Variants in BAZ2B observed in about 807,000 individuals in gnomAD.
BAZ2B encodes bromodomain adjacent to zinc finger domain 2B.
In BAZ2B, 91 loss-of-function variants were observed where a neutral mutation model predicts 246.0. The ratio of observed to expected loss-of-function variants is 0.37; its 90% CI spans 0.31 to 0.44. The LOEUF is 0.44. Among genes scored for constraint, BAZ2B ranks in the 20% least tolerant of loss-of-function variants. The probability of loss-of-function intolerance (pLI) is 1.00; values close to 1 mark genes in which losing one functional copy is unlikely to be tolerated. For missense variants in BAZ2B, 2,332 were observed against 2,533.7 expected (o/e 0.92, Z 1.71); for synonymous variants, 855 against 860.0 (o/e 0.99, Z 0.10).
the BAZ2B span, among the ~76,000 whole-genome samples, chr2:159,674,031 A>AT: frequency 6.6e-6 from 1 of 151,344 alleles, no homozygotes; most frequent in African/African-American, 2.4e-5. Flanking sequence ...GACATAATTA[A>AT]TTTTTTTTTT....
intron 1 of BAZ2B, chr2:159,615,414 G>C (rs1695744212): frequency 1.3e-5 from 2 of 152,242 alleles, no homozygotes; most frequent in Non-Finnish European, 2.9e-5. Context: ...GAGAAGCAAT[G>C]CTCCTCAAAC....
chr2:159,339,964 C>T (rs944627032), intron 31 of BAZ2B, among the ~76,000 whole-genome samples: 4 of 151,660 alleles, frequency 2.6e-5, no homozygotes, highest in African/African-American at 4.8e-5. Context: ...CTAATGGGTA[C>T]AAATATATGG....
At chr2:159,686,988 G>A in the BAZ2B span, among the ~76,000 whole-genome samples, 1 of 145,042 alleles carries the variant, frequency 6.9e-6, no homozygotes, top group Non-Finnish European at 1.5e-5. Context: ...CTTGCAGTGA[G>A]CCGAGATTGC....
intron 2 of BAZ2B, among the ~76,000 whole-genome samples, chr2:159,528,681 CAAA>C (rs34432207): frequency 1.2e-4 from 11 of 92,366 alleles, no homozygotes; most frequent in Non-Finnish European, 1.4e-4. Context: ...AACTCTGTCT[CAAA>C]AAAAAAAAAA....
the BAZ2B span, among the ~76,000 whole-genome samples, chr2:159,688,611 AAG>A: frequency 1.3e-5 from 2 of 152,240 alleles, no homozygotes; most frequent in African/African-American, 2.4e-5. Context: ...AATATGAAAA[AAG>A]AGTAATATAA....
chr2:159,564,758 C>T (rs542854424), intron 1 of BAZ2B, among the ~76,000 whole-genome samples: 9 of 152,140 alleles, frequency 5.9e-5, no homozygotes, highest in African/African-American at 2.2e-4. Flanking sequence ...GTGATCTTGA[C>T]AAAGTTAAGT....
At chr2:159,566,005 A>G (rs1202926501) in intron 1 of BAZ2B, among the ~76,000 whole-genome samples, 1 of 152,062 alleles carries the variant, frequency 6.6e-6, no homozygotes, top group Admixed American at 6.6e-5. Context: ...TATTACATAA[A>G]GCAATGTTGA....
At chr2:159,407,184 A>G (rs2066079982) in intron 14 of BAZ2B, among the ~76,000 whole-genome samples, 1 of 151,476 alleles carries the variant, frequency 6.6e-6, no homozygotes, top group Non-Finnish European at 1.5e-5. Flanking sequence ...AAAAAAACCC[A>G]CAACTGGCTG....
At chr2:159,668,486 C>T in the BAZ2B span, among the ~76,000 whole-genome samples, 1 of 152,116 alleles carries the variant, frequency 6.6e-6, no homozygotes, top group Non-Finnish European at 1.5e-5. Context: ...AAGAAGTTCC[C>T]TATCATTCCT....
rs969143524 is a variant in BAZ2B, at chr2:159,438,618, G to A, written c.978C>T (p.His326=). The A allele has an allele frequency of 1.2e-6, 2 of 1,613,920 alleles. No homozygotes were observed. The highest frequency in any genetic ancestry group is 2.2e-5 in the South Asian group (2 of 91,062). Residue 326 remains histidine (H), a synonymous_variant, in exon 8 of 37, where the codon CAC becomes CAT. Coordinates refer to ENST00000392783, the MANE Select transcript of BAZ2B (RefSeq NM_013450.4). ...ATEKAQEKRI[H]QPLPLASESQ... ...ATTCAGACGCAAGAGGTAATGGCTG[G>A]TGTATTCTTTTTTCCTGGGCTTTTT...
intron 9 of BAZ2B, 79 bp downstream of exon 9, chr2:159,432,678 T>A: frequency 1.3e-6 from 2 of 1,507,398 alleles, no homozygotes; most frequent in South Asian, 2.7e-5. Flanking sequence ...TGATTTTAAG[T>A]CTGAATTAAG....
At chr2:159,462,720 A>T in intron 3 of BAZ2B, 1 of 1,410,012 alleles carries the variant, frequency 7.1e-7, no homozygotes, top group Middle Eastern at 2.3e-4. Context: ...GTGATGGTAA[A>T]CTTCCACTCT....
At chr2:159,656,109 C>A in the BAZ2B span, among the ~76,000 whole-genome samples, 1 of 151,972 alleles carries the variant, frequency 6.6e-6, no homozygotes, top group African/African-American at 2.4e-5. Flanking sequence ...TAGTAACTTG[C>A]CTGGACTTAA....
chr2:159,506,849 G>T (rs1221949788), intron 2 of BAZ2B, among the ~76,000 whole-genome samples: 2 of 152,048 alleles, frequency 1.3e-5, no homozygotes, highest in African/African-American at 4.8e-5. Context: ...AGTGAAAGGA[G>T]GATAAGAAAA....
intron 1 of BAZ2B, among the ~76,000 whole-genome samples, chr2:159,558,313 A>G (rs1408493023): frequency 6.6e-6 from 1 of 151,922 alleles, no homozygotes; most frequent in Non-Finnish European, 1.5e-5. Flanking sequence ...CTGGAGTGCA[A>G]TGGCGCGATC....
chr2:159,321,922 G>A (rs1203886028), intron 36 of BAZ2B: 1 of 152,132 alleles, frequency 6.6e-6, no homozygotes, highest in East Asian at 1.9e-4. Context: ...GTAACACAAA[G>A]GATAAATGCT....
Position 159,323,489 on chromosome 2 carries a change from T to C in BAZ2B, c.6353+1322A>G, listed in dbSNP as rs549534846. On this transcript the variant is annotated intron_variant, in intron 36 of 36. Coordinates refer to ENST00000392783, the MANE Select transcript of BAZ2B (RefSeq NM_013450.4). ...TATAAATTTCATTGTGCCATCTACC[T>C]AGACAACTATTTTGATAGAACAAAC... is the stretch of plus-strand genomic sequence containing the variant. 3.9e-4 allele frequency among the ~76,000 whole-genome samples: 59 copies of C among 151,996 alleles called. 2 individuals are homozygous for C. Among genetic ancestry groups the C allele is most frequent in the Non-Finnish European group, 1.5e-4 (10 of 68,000 alleles).
At chr2:159,683,531 T>A in the BAZ2B span, among the ~76,000 whole-genome samples, 2 of 152,220 alleles carry the variant, frequency 1.3e-5, no homozygotes, top group Non-Finnish European at 2.9e-5. Context: ...TGTAGTTGGG[T>A]TAGTTTTCTT....
intron 3 of BAZ2B, among the ~76,000 whole-genome samples, chr2:159,466,624 A>C (rs1227900281): frequency 2.6e-5 from 4 of 152,318 alleles, no homozygotes; most frequent in African/African-American, 7.2e-5. Flanking sequence ...TCTTCACAAA[A>C]CAGAACCAAC....
Sources: allele counts gnomAD v4.1 joint callset (sites outside exome capture counted in the v4.1 genomes callset), GRCh38; gene constraint gnomAD v4.1.1; transcripts MANE v1.5; gene names NCBI Gene and HGNC (gene_info 2026-07-23, HGNC 2026-07-21).